The following KCND2 variants were observed in gnomAD, a reference collection of about 807,000 sequenced individuals.
The protein encoded by KCND2 is A-type voltage-gated potassium channel KCND2.
A neutral mutation model predicts 54.4 loss-of-function variants in KCND2; 16 were observed. That is an observed-to-expected ratio of 0.29 (90% CI 0.20 to 0.45). KCND2 has a LOEUF of 0.45. KCND2 is among the 20% of genes least tolerant of loss of function. The pLI is 1.00. For missense variants in KCND2, 486 were observed against 824.2 expected, an observed-to-expected ratio of 0.59 and a Z score of 5.02; for synonymous variants, 317 against 310.7, an observed-to-expected ratio of 1.02 and a Z score of -0.21.
At chr7:120,371,490 T>C (rs1800764904) in intron 1 of KCND2, among the ~76,000 whole-genome samples, 1 of 152,016 alleles carries the variant, frequency 6.6e-6, no homozygotes, top group African/African-American at 2.4e-5. Flanking sequence ...GATTGATAAG[T>C]TTCCTGATTG....
chr7:120,647,240 G>A (rs1346043351), intron 1 of KCND2, among the ~76,000 whole-genome samples: 1 of 152,010 alleles, frequency 6.6e-6, no homozygotes, highest in African/African-American at 2.4e-5. Context: ...TTAACCTTCA[G>A]CGCATAGAGT....
chr7:120,710,679 G>A (rs1792526245), intron 1 of KCND2, among the ~76,000 whole-genome samples: 1 of 152,004 alleles, frequency 6.6e-6, no homozygotes, highest in African/African-American at 2.4e-5. Context: ...CCAATCTAAG[G>A]TTGGTACTTA....
chr7:120,277,527 A>T (rs1799195133), intron 1 of KCND2, among the ~76,000 whole-genome samples: 1 of 152,068 alleles, frequency 6.6e-6, no homozygotes. Context: ...AATTTGGTAT[A>T]TATGGCTGTG....
intron 1 of KCND2, among the ~76,000 whole-genome samples, chr7:120,536,631 A>T (rs117642895): frequency 6.6e-6 from 1 of 152,164 alleles, no homozygotes; most frequent in Admixed American, 6.5e-5. Flanking sequence ...AATAGACTCC[A>T]TCTCAAGAAA....
At chr7:120,507,091 A>G (rs539798425) in intron 1 of KCND2, among the ~76,000 whole-genome samples, 8 of 152,050 alleles carry the variant, frequency 5.3e-5, no homozygotes, top group African/African-American at 1.9e-4. Context: ...CAAAATGGTT[A>G]TTCAGTCTTA....
intron 1 of KCND2, among the ~76,000 whole-genome samples, chr7:120,510,268 T>C (rs920431312): frequency 1.2e-4 from 19 of 152,136 alleles, no homozygotes; most frequent in African/African-American, 4.6e-4. Context: ...TTTAACAAAC[T>C]TCTTGGCATT....
intron 1 of KCND2, among the ~76,000 whole-genome samples, chr7:120,699,620 G>A (rs6944490): frequency 0.18 from 27,407 of 152,096 alleles, 2,795 homozygotes; most frequent in African/African-American, 0.26. Context: ...AGAAGAGGTG[G>A]AATTTGTTAT....
At chr7:120,400,738 T>C (rs1256321203) in intron 1 of KCND2, among the ~76,000 whole-genome samples, 1 of 152,184 alleles carries the variant, frequency 6.6e-6, no homozygotes, top group Non-Finnish European at 1.5e-5. Context: ...ACATAGATTC[T>C]AATTCAGTAG....
At chr7:120,744,879 A>G (rs1792986595) in intron 4 of KCND2, among the ~76,000 whole-genome samples, 1 of 152,184 alleles carries the variant, frequency 6.6e-6, no homozygotes, top group Non-Finnish European at 1.5e-5. Context: ...CAGACCAAAA[A>G]TGTTTTCCTT....
At position 120,720,505 on chromosome 7, in the gene KCND2, C is replaced by A. The variant is rs1057304167; in HGVS notation, c.1116-12398C>A. 2.6e-5 allele frequency among the ~76,000 whole-genome samples: 4 copies of A among 152,232 alleles called. No homozygotes were observed. The South Asian group carries it at 8.3e-4, about 32-fold the overall frequency. On this transcript the variant is annotated intron_variant, in intron 1 of 5. Coordinates refer to ENST00000331113, the MANE Select transcript of KCND2 (RefSeq NM_012281.3). ...ATGCCAGCAGACTGCATCTCCCAAG[C>A]TGGCTTGTCATCTGGTTTCCTGCCA... is the stretch of plus-strand genomic sequence containing the variant.
chr7:120,455,651 C>T lies in KCND2; in HGVS notation c.1115+179904C>T, dbSNP rs115625755. On this transcript the variant is annotated intron_variant, in intron 1 of 5. Coordinates refer to ENST00000331113, the MANE Select transcript of KCND2 (RefSeq NM_012281.3). ...TATACATCATGAAATACTACACAGACATAAAAAATGAATGAGATCATGTTT... is the reference window on the plus strand; with the variant it reads ...TATACATCATGAAATACTACACAGATATAAAAAATGAATGAGATCATGTTT... Among the ~76,000 whole-genome samples, 1,241 of 152,220 alleles carry T rather than the reference C, an allele frequency of 8.2e-3. 13 individuals are homozygous for T. The highest frequency in any genetic ancestry group is 0.028 in the African/African-American group (1,177 of 41,540).
intron 1 of KCND2, among the ~76,000 whole-genome samples, chr7:120,693,416 C>T (rs1792295960): frequency 1.3e-5 from 2 of 152,078 alleles, no homozygotes; most frequent in South Asian, 4.1e-4. Context: ...GTTCTCCCTC[C>T]TCAAGGCACT....
At chr7:120,399,039 C>G (rs568597790) in intron 1 of KCND2, among the ~76,000 whole-genome samples, 11 of 152,030 alleles carry the variant, frequency 7.2e-5, no homozygotes, top group African/African-American at 2.7e-4. Flanking sequence ...TTTGCTTGTA[C>G]TTCCTCTTAA....
chr7:120,728,881 T>C (rs556513521), intron 1 of KCND2, among the ~76,000 whole-genome samples: 13 of 152,258 alleles, frequency 8.5e-5, no homozygotes, highest in African/African-American at 2.6e-4. Context: ...TTATATTGAA[T>C]ATAAATAATA....
chr7:120,732,868 T>A (rs776244271), intron 1 of KCND2, 35 bp from the exon 2 acceptor site: 1 of 1,571,090 alleles, frequency 6.4e-7, no homozygotes, highest in Non-Finnish European at 8.7e-7. Context: ...TTCTGTGACT[T>A]AAAACAATAT....
intron 1 of KCND2, among the ~76,000 whole-genome samples, chr7:120,399,910 G>A (rs1273448811): frequency 3.3e-5 from 5 of 152,032 alleles, no homozygotes; most frequent in South Asian, 4.1e-4. Flanking sequence ...ATTTTTAGCA[G>A]AGACAGAGTT....
intron 1 of KCND2, among the ~76,000 whole-genome samples, chr7:120,363,455 C>T (rs575323945): frequency 1.3e-5 from 2 of 152,174 alleles, no homozygotes; most frequent in South Asian, 2.1e-4. Context: ...GGAGAAACAC[C>T]TTGCAGTTAT....
At chr7:120,647,835 A>G (rs1793461233) in intron 1 of KCND2, among the ~76,000 whole-genome samples, 4 of 152,252 alleles carry the variant, frequency 2.6e-5, no homozygotes, top group Admixed American at 2.6e-4. Flanking sequence ...AAATGTTAAT[A>G]CATTTAGCAG....
chr7:120,745,696 T>C (rs1792997196), intron 4 of KCND2, 84 bp from the exon 5 acceptor site: 6 of 1,431,520 alleles, frequency 4.2e-6, no homozygotes. Context: ...CTTGGGCAGA[T>C]TTGAGCTTTA....
Sources: allele counts gnomAD v4.1 joint callset (sites outside exome capture counted in the v4.1 genomes callset), GRCh38; gene constraint gnomAD v4.1.1; transcripts MANE v1.5; gene names NCBI Gene and HGNC (gene_info 2026-07-23, HGNC 2026-07-21).